RCC2: variants seen among roughly 807,000 people sequenced by gnomAD.
RCC2 encodes the protein regulator of chromosome condensation 2.
In RCC2, 19 loss-of-function variants were observed where a neutral mutation model predicts 64.1. The observed-to-expected ratio is 0.30, with a 90% CI of 0.21 to 0.44. The LOEUF is 0.44. Ranked by LOEUF, RCC2 falls within the 20% of genes least tolerant of loss-of-function variation. The pLI, the probability that RCC2 is intolerant of heterozygous loss-of-function variation, is 1.00. For synonymous variants in RCC2, 325 were observed against 279.6 expected (o/e 1.16, Z -1.62); for missense variants, 508 against 710.4 (o/e 0.72, Z 3.24).
Position 17,412,015 on chromosome 1 carries a change from A to G in RCC2, c.1386+107T>C, listed in dbSNP as rs892781800. 4.2e-5 allele frequency: 41 copies of G among 977,384 alleles called. No homozygotes were observed. The Admixed American group carries it at 7.2e-4, about 17-fold the overall frequency. The allele number at this position is 977,384 out of a possible 1,614,324, so 60.5% of individuals were successfully genotyped here. A position where few individuals can be genotyped will look rare whatever the true frequency, so the allele number is the denominator to read the frequency against. Reference sequence around the variant, plus strand: ...TTAATACAATAAGGGGGGAATCCCAAATGTTTTTCTTCTGTGTGTTTTGGG... The same window carrying G: ...TTAATACAATAAGGGGGGAATCCCAGATGTTTTTCTTCTGTGTGTTTTGGG... On this transcript the variant is annotated intron_variant, in intron 11 of 12. Coordinates refer to ENST00000375436, the MANE Select transcript of RCC2 (RefSeq NM_018715.4).
At chr1:17,416,739 C>T in intron 7 of RCC2, 93 bp from the exon 8 acceptor site, 1 of 1,352,940 alleles carries the variant, frequency 7.4e-7, no homozygotes, top group African/African-American at 1.4e-5. Context: ...GCCCCGGCAG[C>T]ACCCCAATCT....
chr1:17,430,867 T>A (rs2100388480), intron 2 of RCC2, among the ~76,000 whole-genome samples: 1 of 151,952 alleles, frequency 6.6e-6, no homozygotes, highest in East Asian at 2.0e-4. Context: ...TAGCTGGGAT[T>A]ACAGACACTC....
intron 11 of RCC2, among the ~76,000 whole-genome samples, 194 bp from the exon 12 acceptor site, chr1:17,410,245 C>G (rs1478943463): frequency 2.0e-5 from 3 of 152,208 alleles, no homozygotes; most frequent in East Asian, 1.9e-4. Flanking sequence ...AAAGGTGCCA[C>G]CAGCAGGCGA....
intron 3 of RCC2, among the ~76,000 whole-genome samples, chr1:17,426,966 G>A (rs1267362424): frequency 6.6e-6 from 1 of 151,942 alleles, no homozygotes; most frequent in Non-Finnish European, 1.5e-5. Flanking sequence ...TCACCATATT[G>A]GCCAGGCTGG....
chr1:17,411,386 G>A (rs1022374939), intron 11 of RCC2, among the ~76,000 whole-genome samples: 2 of 152,122 alleles, frequency 1.3e-5, no homozygotes, highest in African/African-American at 4.8e-5. Flanking sequence ...AGACAGCCTG[G>A]CCAACATGGT....
At chr1:17,429,083 T>A in intron 3 of RCC2, 23 bp downstream of exon 3, 3 of 1,587,952 alleles carry the variant, frequency 1.9e-6, no homozygotes, top group Non-Finnish European at 2.6e-6. Context: ...ACTCAATGGG[T>A]TTTTGAGGCA....
intron 11 of RCC2, among the ~76,000 whole-genome samples, chr1:17,411,326 C>T (rs888952342): frequency 7.9e-5 from 12 of 152,180 alleles, no homozygotes; most frequent in African/African-American, 2.9e-4. Context: ...CCTGTAATCC[C>T]AGCACTTTGG....
At chr1:17,430,558 C>T (rs1313763800) in intron 2 of RCC2, among the ~76,000 whole-genome samples, 2 of 151,608 alleles carry the variant, frequency 1.3e-5, no homozygotes, top group South Asian at 2.1e-4. Context: ...GAGGCTGAGG[C>T]GGGTGAATCA....
intron 11 of RCC2, among the ~76,000 whole-genome samples, 162 bp from the exon 12 acceptor site, chr1:17,410,213 G>A (rs1258698030): frequency 6.6e-6 from 1 of 152,218 alleles, no homozygotes; most frequent in African/African-American, 2.4e-5. Flanking sequence ...GGGCCAGGTG[G>A]AATCATCCAA....
rs536656820 is a variant in RCC2 at position 17,407,333 on chromosome 1, C to T, written c.*1757G>A. On this transcript the variant is annotated 3_prime_UTR_variant, in exon 13 of 13. Coordinates refer to ENST00000375436, the MANE Select transcript of RCC2 (RefSeq NM_018715.4). ...GGAGCACAGGTGCCTGGGCTGCATT[C>T]CAGGAAAGAGACCTGTCCAGGGAAA... The T allele has an allele frequency of 1.3e-5, 2 of 152,150 alleles. No homozygotes were observed. Among genetic ancestry groups the T allele is most frequent in the African/African-American group, 4.8e-5 (2 of 41,420 alleles). 9.4% of individuals were successfully genotyped at this position (152,150 alleles called of 1,614,324 possible). A position where few individuals can be genotyped will look rare whatever the true frequency, so the allele number is the denominator to read the frequency against.
At chr1:17,431,499 C>CAAAAAAAAAAAA (rs558362245) in intron 2 of RCC2, among the ~76,000 whole-genome samples, 1 of 57,904 alleles carries the variant, frequency 1.7e-5, no homozygotes, top group Non-Finnish European at 3.1e-5. Context: ...AGCCCTGTCT[C>CAAAAAAAAAAAA]AAAAAAAAAA....
chr1:17,436,666 C>G (rs2075738353), intron 2 of RCC2, among the ~76,000 whole-genome samples: 1 of 152,208 alleles, frequency 6.6e-6, no homozygotes. Context: ...ATCTTTTGCT[C>G]TGATGGCAAA....
chr1:17,438,584 G>A, intron 1 of RCC2, 62 bp from the exon 2 acceptor site: 1 of 1,269,400 alleles, frequency 7.9e-7, no homozygotes, highest in Non-Finnish European at 1.0e-6. Context: ...CGGGGGGAGG[G>A]GAGCGGAGAC....
At chr1:17,416,360 A>G (rs1227874342) in intron 8 of RCC2, 120 bp downstream of exon 8, 5 of 1,151,038 alleles carry the variant, frequency 4.3e-6, no homozygotes, top group Non-Finnish European at 6.1e-6. Context: ...CTCTTGAAGA[A>G]GCAAGCAGAT....
intron 7 of RCC2, among the ~76,000 whole-genome samples, chr1:17,419,777 C>T (rs7528427): frequency 0.35 from 53,937 of 152,036 alleles, 9,677 homozygotes; most frequent in South Asian, 0.41. Flanking sequence ...GGAAGCGGAC[C>T]GCTGCTGGGC....
chr1:17,411,281 C>CA (rs1241971390), intron 11 of RCC2, among the ~76,000 whole-genome samples: 2 of 152,102 alleles, frequency 1.3e-5, no homozygotes, highest in African/African-American at 4.8e-5. Context: ...AACAAAAACT[C>CA]AAAGACCCGC....
chr1:17,416,030 T>C (rs1473169067), intron 8 of RCC2, among the ~76,000 whole-genome samples: 5 of 121,506 alleles, frequency 4.1e-5, no homozygotes, highest in East Asian at 2.6e-4. Flanking sequence ...GATCACGCCA[T>C]TGCACTCCAG....
Position 17,413,575 on chromosome 1 carries a change from T to C in RCC2, c.1169A>G (p.Tyr390Cys), listed in dbSNP as rs751770448. ...DFPGRGASQI[Y>C]AGYTCSFAVS... Reference sequence around the variant, plus strand: ...AGCAAAGGAGCAGGTGTAACCAGCATAGATCTGGGAAGCCCCACGCCCAGG... The same window carrying C: ...AGCAAAGGAGCAGGTGTAACCAGCACAGATCTGGGAAGCCCCACGCCCAGG... Residue 390 changes from tyrosine to cysteine, a missense_variant, in exon 9 of 13, where the codon TAT becomes TGT. This residue lies in a region of RCC2 where 179 missense variants were observed against 322.0 expected (regional missense o/e 0.56). Transcript: ENST00000375436. 16 of 1,613,974 alleles carry C rather than the reference T, an allele frequency of 9.9e-6. No individual in the cohort carries two copies. In the East Asian group the frequency reaches 2.2e-4, roughly 22 times the overall value.
At position 17,438,515 on chromosome 1, in the gene RCC2, G is replaced by A. The variant is rs1484863001; in HGVS notation, c.-1C>T. On this transcript the variant is annotated 5_prime_UTR_variant, in exon 2 of 13. Transcript: ENST00000375436. The stretch of plus-strand genomic sequence containing the variant: ...CCGCCGCCGCCTTCTTCCTGGGCAT[G>A]GTCGCGGCTGGAGGGAGACACGGGG... The A allele has an allele frequency of 2.2e-6, 3 of 1,340,508 alleles. No individual in the cohort carries two copies. The African/African-American group carries it at 4.5e-5, about 20-fold the overall frequency. The allele number at this position is 1,340,508 out of a possible 1,614,324, so 83.0% of individuals were successfully genotyped here. A position where few individuals can be genotyped will look rare whatever the true frequency, so the allele number is the denominator to read the frequency against.
Sources: gnomAD v4.1 joint callset for allele counts (sites outside exome capture counted in the v4.1 genomes callset) on GRCh38, gnomAD v4.1.1 for gene constraint, gnomAD v4.1.1 regional missense constraint, MANE v1.5 for transcripts, NCBI Gene and HGNC (gene_info 2026-07-23, HGNC 2026-07-21) for gene names.